The following KIF14 variants were observed in gnomAD, a reference collection of about 807,000 sequenced individuals.
KIF14 encodes kinesin-like protein KIF14.
Under a neutral mutation model 176.2 loss-of-function variants are expected in KIF14, and 98 were observed. The observed-to-expected ratio is 0.56, with a 90% CI of 0.47 to 0.66. KIF14 has a LOEUF of 0.66. Ranked by LOEUF, KIF14 falls within the 30% of genes least tolerant of loss-of-function variation. The probability of loss-of-function intolerance (pLI) is 0.00; values close to 1 mark genes in which losing one functional copy is unlikely to be tolerated. For synonymous variants in KIF14, 566 were observed against 632.2 expected (o/e 0.90, Z 1.57); for missense variants, 1,751 against 1,920.4 (o/e 0.91, Z 1.65).
In KIF14 at chr1:200,589,223, T is replaced by A. The variant is rs1233956553; in HGVS notation, c.3108A>T (p.Thr1036=). 5.6e-6 allele frequency: 9 copies of A among 1,601,638 alleles called. No homozygotes were observed. Among genetic ancestry groups the A allele is most frequent in the Non-Finnish European group, 7.7e-6 (9 of 1,174,586 alleles). Residue 1036 remains threonine (T), a synonymous_variant, in exon 18 of 30, where the codon ACA becomes ACT. Coordinates refer to ENST00000367350, the MANE Select transcript of KIF14 (RefSeq NM_014875.3). Reference sequence around the variant, plus strand: ...GGTTACACAATAAAATTACCTGTTTTGTAGCCAATGTTTCCATTTCTAATC... The same window carrying A: ...GGTTACACAATAAAATTACCTGTTTAGTAGCCAATGTTTCCATTTCTAATC... ...KKRLEMETLA[T]KQALEDHSIR...
Position 200,598,270 on chromosome 1 carries a change from T to C in KIF14, c.2516A>G (p.Gln839Arg). 2 of 1,613,188 alleles carry C rather than the reference T, an allele frequency of 1.2e-6. No homozygotes were observed. Among genetic ancestry groups the C allele is most frequent in the African/African-American group, 1.3e-5 (1 of 75,024 alleles). The change falls in exon 14 of 30, where the codon CAG (glutamine) becomes CGG (arginine). Residue 839 changes from glutamine to arginine, a missense_variant. By Grantham distance (43) the Gln-to-Arg change is conservative. Transcript: ENST00000367350. The part of the protein sequence containing the change: ...KYKPNSSHDI[Q>R]LSGVLIADDH... The stretch of plus-strand genomic sequence containing the variant: ...ATCAGCAATCAGCACCCCAGATAAC[T>C]GAATATCATGGCTTGAGTTTGGTTT...
In KIF14 at chr1:200,553,618, A is replaced by G. The variant is rs1445934904; in HGVS notation, c.4717T>C (p.Ser1573Pro). The G allele has an allele frequency of 6.2e-7, 1 of 1,613,990 alleles. No individual in the cohort carries two copies. Among genetic ancestry groups the G allele is most frequent in the Non-Finnish European group, 8.5e-7 (1 of 1,179,976 alleles). Reference sequence around the variant, plus strand: ...CAAAAGAGGAGAGACTTAGCTAGAGATTCTAGTTCCTGGTGGACAATGTGA... The same window carrying G: ...CAAAAGAGGAGAGACTTAGCTAGAGGTTCTAGTTCCTGGTGGACAATGTGA... ...VTHIVHQELE[S>P]LAKSLLFCFE... Residue 1573 changes from serine (S) to proline (P), a missense_variant, in exon 30 of 30, where the codon TCT (serine) becomes CCT (proline). Coordinates refer to ENST00000367350, the MANE Select transcript of KIF14 (RefSeq NM_014875.3).
intron 20 of KIF14, 26 bp downstream of exon 20, chr1:200,581,175 T>A: frequency 7.8e-7 from 1 of 1,288,346 alleles, no homozygotes; most frequent in Non-Finnish European, 1.1e-6. Context: ...TTAAAACATT[T>A]AAAATCAGGA....
At chr1:200,597,704 A>G (rs1659422493) in intron 14 of KIF14, among the ~76,000 whole-genome samples, 1 of 152,240 alleles carries the variant, frequency 6.6e-6, no homozygotes, top group South Asian at 2.1e-4. Context: ...ATACAATTTA[A>G]AAGCACTTCC....
At chr1:200,572,406 G>A (rs1034031507) in intron 22 of KIF14, among the ~76,000 whole-genome samples, 7 of 152,040 alleles carry the variant, frequency 4.6e-5, no homozygotes, top group Non-Finnish European at 8.8e-5. Context: ...GTGCAGTGGC[G>A]CGATCTTGGC....
At chr1:200,576,701 C>T (rs1477740244) in intron 21 of KIF14, among the ~76,000 whole-genome samples, 1 of 152,158 alleles carries the variant, frequency 6.6e-6, no homozygotes, top group Non-Finnish European at 1.5e-5. Flanking sequence ...ATCATTTTCA[C>T]ATAAACATTG....
chr1:200,578,236 CATA>C (rs1460055711), intron 21 of KIF14, among the ~76,000 whole-genome samples: 2 of 152,068 alleles, frequency 1.3e-5, no homozygotes, highest in African/African-American at 4.8e-5. Flanking sequence ...GCTTTTATCT[CATA>C]ATGATTCCTT....
At position 200,581,347 on chromosome 1, in the gene KIF14, A is replaced by ATACC. The variant is rs1021713691; in HGVS notation, c.3242-57_3242-54dup. 6.6e-5 allele frequency: 64 copies of ATACC among 967,552 alleles called. No individual in the cohort carries two copies. The African/African-American group carries it at 9.2e-4, about 14-fold the overall frequency. 59.9% of individuals were successfully genotyped at this position (967,552 alleles called of 1,614,324 possible). On this transcript the variant is annotated intron_variant, in intron 19 of 29. Transcript: ENST00000367350. ...AAAATACATACATGGACACTAACAT[A>ATACC]TACCATTAGGCAAAACAATTCCTAA...
At chr1:200,589,402 C>G in intron 17 of KIF14, 33 bp from the exon 18 acceptor site, 1 of 1,551,354 alleles carries the variant, frequency 6.4e-7, no homozygotes, top group East Asian at 2.3e-5. Context: ...ATATCTCAGG[C>G]AAAAACCGTA....
intron 21 of KIF14, among the ~76,000 whole-genome samples, chr1:200,579,571 T>C (rs1658331628): frequency 6.6e-6 from 1 of 151,930 alleles, no homozygotes; most frequent in African/African-American, 2.4e-5. Flanking sequence ...ATTGCACCAC[T>C]GCACTCCAGC....
Position 200,565,577 on chromosome 1 carries a change from A to C in KIF14, c.3754T>G (p.Phe1252Val), listed in dbSNP as rs1558049859. 3.7e-6 allele frequency: 6 copies of C among 1,612,222 alleles called. No individual in the cohort carries two copies. The highest frequency in any genetic ancestry group is 1.3e-5 in the African/African-American group (1 of 74,990). The change falls in exon 24 of 30, where the codon TTT becomes GTT. Residue 1252 changes from phenylalanine (F) to valine (V), a missense_variant. By Grantham distance (50) the Phe-to-Val change is conservative. Coordinates refer to ENST00000367350, the MANE Select transcript of KIF14 (RefSeq NM_014875.3). ...TCTTCATCATAACTCTGTCCAAAAA[A>C]ATCTAACGAAGAACCAATCAATTCT... ...CKELIGSSLD[F>V]FGQSYDEERT...
At chr1:200,611,313 T>G (rs1660144825) in intron 4 of KIF14, among the ~76,000 whole-genome samples, 1 of 152,164 alleles carries the variant, frequency 6.6e-6, no homozygotes, top group Non-Finnish European at 1.5e-5. Flanking sequence ...TGGGAAAATA[T>G]GAGATGAACT....
intron 21 of KIF14, 103 bp downstream of exon 21, chr1:200,580,151 A>C: frequency 1.8e-6 from 1 of 547,896 alleles, no homozygotes; most frequent in Non-Finnish European, 2.8e-6. Flanking sequence ...TATGGAGAAT[A>C]TGTCACTTTT....
intron 23 of KIF14, among the ~76,000 whole-genome samples, chr1:200,567,532 T>TAAAAAAAAA (rs35456574): frequency 2.3e-5 from 3 of 127,792 alleles, no homozygotes; most frequent in Non-Finnish European, 4.8e-5. Context: ...AGACTCCGTC[T>TAAAAAAAAA]AAAAAAAAAA....
Position 200,603,920 on chromosome 1 carries a change from T to C in KIF14, c.1782A>G (p.Arg594=). The C allele has an allele frequency of 6.2e-7, 1 of 1,613,624 alleles. No individual in the cohort carries two copies. Among genetic ancestry groups the C allele is most frequent in the Non-Finnish European group, 8.5e-7 (1 of 1,179,556 alleles). Residue 594 remains arginine, a synonymous_variant, in exon 9 of 30, where the codon AGA becomes AGG. Transcript: ENST00000367350. ...CTATTAGGTTAATTCGACTTGTTATTCTGTGATCGTGTTCTTCCCCTTCCA... is the reference window on the plus strand; with the variant it reads ...CTATTAGGTTAATTCGACTTGTTATCCTGTGATCGTGTTCTTCCCCTTCCA... ...EFVEGEEHDH[R]ITSRINLIDL...
chr1:200,577,406 C>T (rs1658180181), intron 21 of KIF14, among the ~76,000 whole-genome samples: 1 of 152,036 alleles, frequency 6.6e-6, no homozygotes, highest in South Asian at 2.1e-4. Context: ...GATCCTCCAG[C>T]CTTGGCCTCC....
chr1:200,615,599 C>A lies in KIF14; in HGVS notation c.1123G>T (p.Glu375Ter). The A allele has an allele frequency of 6.2e-7, 1 of 1,608,292 alleles. No individual in the cohort carries two copies. ...ATGAAGACTACCTGGGATGCTTTTT[C>A]AATCTTCTCTCTTGAAAGAAGCACA... is the stretch of plus-strand genomic sequence containing the variant. ...VRPFTKREKI[E>*]KASQVVFMSG... is the part of the protein sequence containing the mutation. The change falls in exon 3 of 30, where the codon GAA becomes TAA. Residue 375 changes from glutamate (E) to a stop codon, truncating the protein, a stop_gained. Coordinates refer to ENST00000367350, the MANE Select transcript of KIF14 (RefSeq NM_014875.3). LOFTEE classifies it high-confidence loss of function.
chr1:200,567,259 C>T (rs116535058), intron 23 of KIF14, among the ~76,000 whole-genome samples: 3,566 of 151,832 alleles, frequency 0.023, 50 homozygotes, highest in Non-Finnish European at 0.035. Context: ...AGGCTAAAAC[C>T]GGCCGGGCAC....
intron 4 of KIF14, among the ~76,000 whole-genome samples, chr1:200,613,943 C>T (rs1289831538): frequency 6.6e-6 from 1 of 152,218 alleles, no homozygotes; most frequent in East Asian, 1.9e-4. Flanking sequence ...AATTTCACTA[C>T]TCTTTCTGAT....
Sources: gnomAD v4.1 joint callset for allele counts (sites outside exome capture counted in the v4.1 genomes callset) on GRCh38, gnomAD v4.1.1 for gene constraint, MANE v1.5 for transcripts, NCBI Gene and HGNC (gene_info 2026-07-23, HGNC 2026-07-21) for gene names.